The following CDC42SE2 variants were observed in gnomAD, a reference collection of about 807,000 sequenced individuals.
CDC42SE2 encodes the protein CDC42 small effector 2.
Under a neutral mutation model 11.5 loss-of-function variants are expected in CDC42SE2, and 3 were observed. The ratio of observed to expected loss-of-function variants is 0.26; its 90% confidence interval spans 0.12 to 0.67. The LOEUF (loss-of-function observed/expected upper bound fraction) is 0.67, where lower values mean the gene tolerates loss of function less well. CDC42SE2 is among the 30% of genes least tolerant of loss of function. The pLI, the probability that CDC42SE2 is intolerant of heterozygous loss-of-function variation, is 0.80. For synonymous variants in CDC42SE2, 33 were observed against 34.8 expected (o/e 0.95, Z 0.18); for missense variants, 82 against 106.8 (o/e 0.77, Z 1.02).
At chr5:131,262,445 G>GT (rs1158338522), upstream of CDC42SE2, among the ~76,000 whole-genome samples, 5 of 151,798 alleles carry the variant, frequency 3.3e-5, 1 homozygote, top group African/African-American at 7.3e-5. Flanking sequence ...TGTTGCTTTA[G>GT]TTTTTTTTAA....
chr5:131,372,661 C>T (rs577539190), intron 3 of CDC42SE2, among the ~76,000 whole-genome samples: 39 of 151,448 alleles, frequency 2.6e-4, no homozygotes, highest in Admixed American at 7.3e-4. Context: ...TGCAGTGAGC[C>T]GAGATCACGC....
At chr5:131,301,892 GGA>G (rs1381075643) in intron 1 of CDC42SE2, among the ~76,000 whole-genome samples, 4 of 152,098 alleles carry the variant, frequency 2.6e-5, no homozygotes, top group Admixed American at 1.3e-4. Flanking sequence ...TTTGAGGCAT[GGA>G]GAGAGGGGAA....
chr5:131,229,793 G>C, the CDC42SE2 span, among the ~76,000 whole-genome samples: 12 of 152,234 alleles, frequency 7.9e-5, no homozygotes, highest in South Asian at 2.3e-3. Flanking sequence ...AATTAGCCAC[G>C]CATGGTGGCA....
At chr5:131,248,441 C>A (rs189263060) in intron 1 of CDC42SE2, among the ~76,000 whole-genome samples, 138 of 152,260 alleles carry the variant, frequency 9.1e-4, no homozygotes, top group Non-Finnish European at 1.6e-3. Flanking sequence ...CCGGCAGAAG[C>A]ATTCCCTTTT....
At chr5:131,357,303 G>A (rs935812318) in intron 2 of CDC42SE2, among the ~76,000 whole-genome samples, 4 of 152,188 alleles carry the variant, frequency 2.6e-5, no homozygotes, top group Admixed American at 6.5e-5. Context: ...TTTCCTGTAT[G>A]TTAGAGGACT....
chr5:131,349,215 A>G (rs991748020), intron 2 of CDC42SE2, among the ~76,000 whole-genome samples: 8 of 152,044 alleles, frequency 5.3e-5, no homozygotes, highest in African/African-American at 1.9e-4. Flanking sequence ...GAAGCTGGAA[A>G]CCATCATTCT....
In CDC42SE2 at chr5:131,276,914, A is replaced by G. The variant is rs182760420; in HGVS notation, c.-455+12748A>G. 1.9e-3 allele frequency among the ~76,000 whole-genome samples: 292 copies of G among 151,102 alleles called. 1 individual carries two copies. Among genetic ancestry groups the G allele is most frequent in the African/African-American group, 6.7e-3 (278 of 41,192 alleles). ...AGCTAATTTTTTTATTTTTTTTTGTATTTTTAGTAGAGGTGGGGTTTCACC... is the reference window on the plus strand; with the variant it reads ...AGCTAATTTTTTTATTTTTTTTTGTGTTTTTAGTAGAGGTGGGGTTTCACC... On this transcript the variant is annotated intron_variant, in intron 1 of 4. Transcript: ENST00000505065.
the CDC42SE2 span, among the ~76,000 whole-genome samples, chr5:131,220,861 T>C: frequency 6.6e-6 from 1 of 151,410 alleles, no homozygotes. Flanking sequence ...CCAAAACGTC[T>C]ATAGGAGTAC....
At chr5:131,288,745 C>T (rs1049023130) in intron 1 of CDC42SE2, among the ~76,000 whole-genome samples, 1 of 152,156 alleles carries the variant, frequency 6.6e-6, no homozygotes, top group African/African-American at 2.4e-5. Context: ...TTAGGTTGAC[C>T]TGGAAACTTA....
At chr5:131,328,437 T>C (rs1277696269) in intron 2 of CDC42SE2, among the ~76,000 whole-genome samples, 1 of 152,194 alleles carries the variant, frequency 6.6e-6, no homozygotes, top group African/African-American at 2.4e-5. Context: ...TCTTTAATTC[T>C]GGGAAGTTAT....
intron 1 of CDC42SE2, among the ~76,000 whole-genome samples, chr5:131,268,329 C>G (rs1046226965): frequency 6.6e-6 from 1 of 151,972 alleles, no homozygotes; most frequent in Non-Finnish European, 1.5e-5. Context: ...TCCCAAAGTG[C>G]TAGGATTACA....
chr5:131,252,108 G>GGAATGAAT (rs796934614), intron 1 of CDC42SE2, among the ~76,000 whole-genome samples: 1 of 150,066 alleles, frequency 6.7e-6, no homozygotes, highest in Non-Finnish European at 1.5e-5. Flanking sequence ...AAGGAAGGAA[G>GGAATGAAT]GAATCATGTA....
chr5:131,262,589 A>G (rs1414581162), upstream of CDC42SE2, among the ~76,000 whole-genome samples: 2 of 152,146 alleles, frequency 1.3e-5, no homozygotes, highest in Non-Finnish European at 2.9e-5. Context: ...AAATACAGGC[A>G]TACCTCAGTA....
At chr5:131,332,565 C>G (rs1269834492) in intron 2 of CDC42SE2, among the ~76,000 whole-genome samples, 2 of 152,124 alleles carry the variant, frequency 1.3e-5, no homozygotes, top group Non-Finnish European at 2.9e-5. Context: ...AATGGTTGAA[C>G]TAGTTTACAG....
At chr5:131,237,140 A>T in the CDC42SE2 span, among the ~76,000 whole-genome samples, 2 of 152,360 alleles carry the variant, frequency 1.3e-5, no homozygotes, top group Admixed American at 1.3e-4. Context: ...GTCAATATTT[A>T]AAAATCCTTT....
intron 1 of CDC42SE2, among the ~76,000 whole-genome samples, chr5:131,282,731 C>T (rs1458590451): frequency 6.6e-6 from 1 of 151,868 alleles, no homozygotes; most frequent in Non-Finnish European, 1.5e-5. Context: ...CGGGTTCATG[C>T]CATTCTCCTG....
At chr5:131,245,740 CCTT>C (rs984817020) in intron 1 of CDC42SE2, 2 of 152,152 alleles carry the variant, frequency 1.3e-5, no homozygotes, top group African/African-American at 4.8e-5. Flanking sequence ...TGAGCCTTTA[CCTT>C]CTTTTTTCTT....
intron 1 of CDC42SE2, among the ~76,000 whole-genome samples, chr5:131,289,705 A>T (rs1281597920): frequency 6.6e-6 from 1 of 151,866 alleles, no homozygotes; most frequent in Admixed American, 6.6e-5. Context: ...AGCATAAGGC[A>T]TCATTTCTTT....
intron 2 of CDC42SE2, among the ~76,000 whole-genome samples, chr5:131,349,928 A>G (rs1758960530): frequency 6.6e-6 from 1 of 152,212 alleles, no homozygotes; most frequent in Non-Finnish European, 1.5e-5. Flanking sequence ...TAAATGTTTA[A>G]TGAAACTTGT....
Sources: gnomAD v4.1 joint callset for allele counts (sites outside exome capture counted in the v4.1 genomes callset) on GRCh38, gnomAD v4.1.1 for gene constraint, MANE v1.5 for transcripts, NCBI Gene and HGNC (gene_info 2026-07-23, HGNC 2026-07-21) for gene names.